EDEM1: variants seen among roughly 807,000 people sequenced by gnomAD.
EDEM1 encodes the protein ER degradation enhancing alpha-mannosidase like protein 1, also known as ER degradation-enhancing alpha-mannosidase-like protein 1.
Under a neutral mutation model 74.4 loss-of-function variants are expected in EDEM1, and 67 were observed. The ratio of observed to expected loss-of-function variants is 0.90; its 90% CI spans 0.74 to 1.10. EDEM1 has a LOEUF of 1.10. EDEM1 is among the 50% of genes least tolerant of loss of function. EDEM1 has a pLI of 0.00. For missense variants in EDEM1, 926 were observed against 851.6 expected (o/e 1.09, Z -1.09); for synonymous variants, 382 against 335.9 (o/e 1.14, Z -1.50).
rs1371624655 is a variant in EDEM1 at position 5,217,807 on chromosome 3, G to A, written c.*1889G>A. On this transcript the variant is annotated 3_prime_UTR_variant, in exon 12 of 12. Coordinates refer to ENST00000256497, the MANE Select transcript of EDEM1 (RefSeq NM_014674.3). The stretch of plus-strand genomic sequence containing the variant: ...TTGAAAATGTTAATTACACACACAT[G>A]CATGCATGCACACACGAGCATACTT... The A allele has an allele frequency of 6.6e-6, 1 of 152,170 alleles. No individual in the cohort carries two copies. The highest frequency in any genetic ancestry group is 1.9e-4 in the East Asian group (1 of 5,184). The allele number at this position is 152,170 out of a possible 1,614,324, so 9.4% of individuals were successfully genotyped here. A position where few individuals can be genotyped will look rare whatever the true frequency, so the allele number is the denominator to read the frequency against.
intron 11 of EDEM1, among the ~76,000 whole-genome samples, chr3:5,213,809 C>T (rs76078633): frequency 0.016 from 2,396 of 152,220 alleles, 26 homozygotes; most frequent in Middle Eastern, 0.078. Flanking sequence ...GCAGGAGCCA[C>T]GGCTCAGATC....
chr3:5,204,435 A>G (rs1404692365), intron 5 of EDEM1, among the ~76,000 whole-genome samples: 2 of 151,028 alleles, frequency 1.3e-5, no homozygotes, highest in Non-Finnish European at 2.9e-5. Context: ...CGGCAGTGGC[A>G]CAGTCTCTGC....
At chr3:5,189,323 C>G (rs1341823188) in intron 1 of EDEM1, 2 of 152,148 alleles carry the variant, frequency 1.3e-5, no homozygotes, top group Admixed American at 6.5e-5. Context: ...TCCTTAGGTT[C>G]TGATAAGGAA....
chr3:5,203,698 A>G (rs2106598769), intron 5 of EDEM1, among the ~76,000 whole-genome samples: 1 of 152,308 alleles, frequency 6.6e-6, no homozygotes, highest in Non-Finnish European at 1.5e-5. Flanking sequence ...TGTCTTCACT[A>G]ATTATCAGTA....
chr3:5,212,727 A>G (rs2055182838), intron 10 of EDEM1, among the ~76,000 whole-genome samples: 1 of 152,188 alleles, frequency 6.6e-6, no homozygotes, highest in South Asian at 2.1e-4. Flanking sequence ...ATTGGGTTAG[A>G]TGTTCTTTCT....
At chr3:5,214,892 A>G (rs2055213015) in intron 11 of EDEM1, among the ~76,000 whole-genome samples, 1 of 152,182 alleles carries the variant, frequency 6.6e-6, no homozygotes, top group African/African-American at 2.4e-5. Flanking sequence ...ATCCACTTCC[A>G]TCCTAGGCGT....
chr3:5,203,419 G>A (rs887182423), intron 5 of EDEM1, among the ~76,000 whole-genome samples: 3 of 152,186 alleles, frequency 2.0e-5, no homozygotes, highest in African/African-American at 4.8e-5. Context: ...TGGAAATGCC[G>A]TAAAAAGAAC....
At position 5,188,159 on chromosome 3, in the gene EDEM1, C is replaced by G; in HGVS notation, c.354C>G (p.Tyr118Ter). The change falls in exon 1 of 12, where the codon TAC (tyrosine) becomes TAG (stop). Residue 118 changes from tyrosine to a stop codon, truncating the protein, a stop_gained. Coordinates refer to ENST00000256497, the MANE Select transcript of EDEM1 (RefSeq NM_014674.3). LOFTEE classifies it high-confidence loss of function. ...GRGPDEYEKR[Y>*]SGAFPPQLRA... Reference sequence around the variant, plus strand: ...GCCCGGACGAGTACGAGAAGCGCTACAGCGGCGCCTTCCCTCCGCAGCTGC... The same window carrying G: ...GCCCGGACGAGTACGAGAAGCGCTAGAGCGGCGCCTTCCCTCCGCAGCTGC... 6.5e-7 allele frequency: 1 copy of G among 1,546,380 alleles called. No homozygotes were observed.
At chr3:5,201,456 C>G (rs954972755) in intron 3 of EDEM1, among the ~76,000 whole-genome samples, 24 of 152,172 alleles carry the variant, frequency 1.6e-4, no homozygotes, top group African/African-American at 5.6e-4. Context: ...AGCCAACTCC[C>G]TTTTCTTAAT....
chr3:5,215,725 T>C, intron 11 of EDEM1, 104 bp from the exon 12 acceptor site: 3 of 1,059,550 alleles, frequency 2.8e-6, no homozygotes, highest in Non-Finnish European at 4.4e-6. Flanking sequence ...CTTCCAAACG[T>C]CAGTAGTTCA....
rs1395484462 is a variant in EDEM1 at position 5,202,959 on chromosome 3, T to A, written c.859-7T>A. Reference sequence around the variant, plus strand: ...TTGTCACAGTCTTTGTCTGTTCCCATCCCCAGGTGAATCTAAAGACAGGAG... The same window carrying A: ...TTGTCACAGTCTTTGTCTGTTCCCAACCCCAGGTGAATCTAAAGACAGGAG... On this transcript the variant is annotated splice_region_variant and splice_polypyrimidine_tract_variant and intron_variant, in intron 4 of 11. Coordinates refer to ENST00000256497, the MANE Select transcript of EDEM1 (RefSeq NM_014674.3). 1 of 1,612,810 alleles carries A rather than the reference T, an allele frequency of 6.2e-7. No homozygotes were observed. Among genetic ancestry groups the A allele is most frequent in the South Asian group, 1.1e-5 (1 of 91,010 alleles).
At chr3:5,209,941 G>C (rs2055148568) in intron 8 of EDEM1, among the ~76,000 whole-genome samples, 1 of 152,242 alleles carries the variant, frequency 6.6e-6, no homozygotes, top group Non-Finnish European at 1.5e-5. Context: ...CCCTGGAACA[G>C]ATGGTCTTAC....
At chr3:5,192,785 C>A (rs533225339) in intron 1 of EDEM1, among the ~76,000 whole-genome samples, 1 of 152,086 alleles carries the variant, frequency 6.6e-6, no homozygotes, top group African/African-American at 2.4e-5. Flanking sequence ...CTTATTTTGG[C>A]ACCTTTTGAA....
intron 11 of EDEM1, 70 bp downstream of exon 11, chr3:5,213,592 C>A: frequency 7.0e-7 from 1 of 1,436,930 alleles, no homozygotes; most frequent in Non-Finnish European, 9.4e-7. Context: ...CTTAGTTGTT[C>A]AGACTTCCTG....
In EDEM1 at chr3:5,187,929, G is replaced by T; in HGVS notation, c.124G>T (p.Gly42Cys). ...GFYQRFPLSFGFQRLRSPDGP... is the reference protein window; with the variant it reads ...GFYQRFPLSFCFQRLRSPDGP... ...CTACCAGCGCTTTCCGCTCAGCTTC[G>T]GCTTCCAGCGTCTGAGGAGCCCCGA... is the stretch of plus-strand genomic sequence containing the variant. Residue 42 changes from glycine to cysteine, a missense_variant, in exon 1 of 12, where the codon GGC becomes TGC. Physicochemically the swap from Gly to Cys is radical, Grantham distance 159. Transcript: ENST00000256497. 1 of 1,589,390 alleles carries T rather than the reference G, an allele frequency of 6.3e-7. No homozygotes were observed.
chr3:5,210,659 A>G (rs2055156903), intron 9 of EDEM1, among the ~76,000 whole-genome samples: 1 of 152,118 alleles, frequency 6.6e-6, no homozygotes, highest in Non-Finnish European at 1.5e-5. Flanking sequence ...ATGTATATAT[A>G]AGAAACATAC....
At chr3:5,210,407 T>G (rs1320663604) in intron 9 of EDEM1, among the ~76,000 whole-genome samples, 159 bp downstream of exon 9, 1 of 152,234 alleles carries the variant, frequency 6.6e-6, no homozygotes, top group Non-Finnish European at 1.5e-5. Flanking sequence ...GTAGAACCTT[T>G]CCATTGTACT....
At position 5,208,033 on chromosome 3, in the gene EDEM1, G is replaced by C. The variant is rs555353136; in HGVS notation, c.1339-60G>C. ...AGGAGAGCCCAGGCAGGCCCTTTGT[G>C]CCATGTCTTGTCACTCTAGGAATGG... is the stretch of plus-strand genomic sequence containing the variant. On this transcript the variant is annotated intron_variant, in intron 7 of 11. Coordinates refer to ENST00000256497, the MANE Select transcript of EDEM1 (RefSeq NM_014674.3). The C allele has an allele frequency of 5.6e-5, 85 of 1,509,554 alleles. No homozygotes were observed. In the African/African-American group the frequency reaches 1.2e-3, roughly 21 times the overall value. 93.5% of individuals were successfully genotyped at this position (1,509,554 alleles called of 1,614,324 possible).
intron 11 of EDEM1, among the ~76,000 whole-genome samples, chr3:5,214,543 A>G (rs1204626658): frequency 6.6e-6 from 1 of 152,214 alleles, no homozygotes; most frequent in East Asian, 1.9e-4. Flanking sequence ...GAGGGGGAAG[A>G]GTTAATAACA....
Sources: allele counts gnomAD v4.1 joint callset (sites outside exome capture counted in the v4.1 genomes callset), GRCh38; gene constraint gnomAD v4.1.1; transcripts MANE v1.5; gene names NCBI Gene and HGNC (gene_info 2026-07-23, HGNC 2026-07-21).